SYNE2: variants seen among roughly 807,000 people sequenced by gnomAD.
The protein encoded by SYNE2 is nesprin-2.
SYNE2 carries 431 observed loss-of-function variants against 856.3 expected under a neutral mutation model. The ratio of observed to expected loss-of-function variants is 0.50; its 90% CI spans 0.47 to 0.55. The LOEUF (loss-of-function observed/expected upper bound fraction) is 0.55, where lower values mean the gene tolerates loss of function less well. Among genes scored for constraint, SYNE2 ranks in the 20% least tolerant of loss-of-function variants. SYNE2 has a pLI of 0.00. For missense variants in SYNE2, 8,129 were observed against 8,023.2 expected (o/e 1.01, Z -0.50); for synonymous variants, 2,923 against 2,872.3 (o/e 1.02, Z -0.56).
intron 1 of SYNE2, among the ~76,000 whole-genome samples, chr14:63,800,963 T>C (rs1013353326): frequency 6.6e-6 from 1 of 152,022 alleles, no homozygotes; most frequent in South Asian, 2.1e-4. Flanking sequence ...ACCTAAAAAG[T>C]TAAAAAATAA....
At chr14:63,844,170 C>T (rs1283481491) in intron 1 of SYNE2, among the ~76,000 whole-genome samples, 1 of 152,186 alleles carries the variant, frequency 6.6e-6, no homozygotes, top group Non-Finnish European at 1.5e-5. Flanking sequence ...ATCCTCTGTG[C>T]TCCATCTATT....
At chr14:63,831,071 C>T (rs1889650970) in intron 1 of SYNE2, among the ~76,000 whole-genome samples, 1 of 152,062 alleles carries the variant, frequency 6.6e-6, no homozygotes, top group Non-Finnish European at 1.5e-5. Flanking sequence ...GAACTCCTGA[C>T]CTCAGGTGAT....
At chr14:64,110,588 A>AC (rs11315645) in intron 65 of SYNE2, among the ~76,000 whole-genome samples, 1,746 of 75,162 alleles carry the variant, frequency 0.023, 61 homozygotes, top group East Asian at 0.099. Context: ...TACTTTTTAC[A>AC]CCCCCCCCCC....
intron 1 of SYNE2, among the ~76,000 whole-genome samples, chr14:63,845,872 T>C (rs1488861711): frequency 6.6e-6 from 1 of 150,760 alleles, no homozygotes; most frequent in Non-Finnish European, 1.5e-5. Context: ...TCCTGAGAAG[T>C]TGGAATTACA....
chr14:64,222,848 C>T (rs1012450962), intron 112 of SYNE2, among the ~76,000 whole-genome samples: 3 of 152,198 alleles, frequency 2.0e-5, no homozygotes, highest in South Asian at 2.1e-4. Flanking sequence ...TGCTGTTTCT[C>T]GGTTGATTGA....
chr14:64,222,324 G>A (rs766171723), intron 112 of SYNE2, among the ~76,000 whole-genome samples: 8 of 152,228 alleles, frequency 5.3e-5, no homozygotes, highest in Non-Finnish European at 1.2e-4. Context: ...TGATAGAGAT[G>A]ACCTGTGTCT....
rs1441778402 is a variant in SYNE2 at position 64,121,046 on chromosome 14, T to C, written c.13143T>C (p.Asp4381=). ...TERPQFSRQK[D]FQQQQVLELK... is the part of the protein sequence containing the mutation. ...GGCCACAATTCAGCAGACAAAAAGA[T>C]TTCCAGCAGCAACAGGTAATTCTAG... Residue 4381 remains aspartate, a synonymous_variant, in exon 68 of 116, where the codon GAT becomes GAC. Coordinates refer to ENST00000555002, the MANE Select transcript of SYNE2 (RefSeq NM_182914.3). 1 of 1,613,880 alleles carries C rather than the reference T, an allele frequency of 6.2e-7. No individual in the cohort carries two copies. Among genetic ancestry groups the C allele is most frequent in the Non-Finnish European group, 8.5e-7 (1 of 1,179,968 alleles).
intron 32 of SYNE2, among the ~76,000 whole-genome samples, chr14:64,012,497 A>G (rs1390770399): frequency 1.3e-5 from 2 of 152,214 alleles, no homozygotes; most frequent in Admixed American, 6.5e-5. Flanking sequence ...CCCTGAAGAC[A>G]TATTTGAAGT....
intron 1 of SYNE2, among the ~76,000 whole-genome samples, chr14:63,829,912 C>T (rs1259146324): frequency 6.6e-6 from 1 of 152,046 alleles, no homozygotes; most frequent in Non-Finnish European, 1.5e-5. Flanking sequence ...AGGCACTGTG[C>T]CCAGACAACA....
chr14:64,198,645 C>A (rs530754978), intron 99 of SYNE2, among the ~76,000 whole-genome samples: 2 of 152,180 alleles, frequency 1.3e-5, no homozygotes, highest in Admixed American at 6.5e-5. Context: ...CCTTCCCCCC[C>A]TCTTTAACTT....
intron 2 of SYNE2, among the ~76,000 whole-genome samples, chr14:63,915,765 C>T (rs1378019179): frequency 2.0e-5 from 3 of 151,996 alleles, no homozygotes; most frequent in African/African-American, 7.2e-5. Flanking sequence ...ATCCTTACTT[C>T]GTAGGGTTCA....
Position 63,982,492 on chromosome 14 carries a change from C to G in SYNE2, c.1837-138C>G, listed in dbSNP as rs2096593063. ...CCTTGATTGCGCCACTGCACTCCAG[C>G]CTGGGCAACAGAGCAAGACTCCATC... On this transcript the variant is annotated intron_variant, in intron 16 of 115. Transcript: ENST00000555002. 9.9e-6 allele frequency: 8 copies of G among 804,340 alleles called. No homozygotes were observed. The South Asian group carries it at 1.4e-4, about 14-fold the overall frequency. The allele number at this position is 804,340 out of a possible 1,614,324, so 49.8% of individuals were successfully genotyped here.
rs76344335 is a variant in SYNE2 at position 64,200,357 on chromosome 14, G to A, written c.18039-2444G>A. Among the ~76,000 whole-genome samples the A allele has an allele frequency of 8.1e-3, 1,238 of 152,240 alleles. 17 individuals carry two copies. Among genetic ancestry groups the A allele is most frequent in the African/African-American group, 0.029 (1,184 of 41,530 alleles). On this transcript the variant is annotated intron_variant, in intron 99 of 115. Coordinates refer to ENST00000555002, the MANE Select transcript of SYNE2 (RefSeq NM_182914.3). ...GAGCCTGAGCCCTTCCCCCACCCCCGGGAAGCTCTCGTGGCTGGGCCTCTT... is the reference window on the plus strand; with the variant it reads ...GAGCCTGAGCCCTTCCCCCACCCCCAGGAAGCTCTCGTGGCTGGGCCTCTT...
At chr14:63,959,171 T>C (rs1413820059) in intron 8 of SYNE2, among the ~76,000 whole-genome samples, 1 of 152,120 alleles carries the variant, frequency 6.6e-6, no homozygotes, top group Non-Finnish European at 1.5e-5. Flanking sequence ...ATTTAGCCTC[T>C]TTGGACTTCA....
At chr14:63,825,955 A>G (rs1889412850) in intron 1 of SYNE2, among the ~76,000 whole-genome samples, 1 of 152,246 alleles carries the variant, frequency 6.6e-6, no homozygotes, top group African/African-American at 2.4e-5. Context: ...AACATTGTTT[A>G]GATAGCAGTA....
At chr14:64,208,380 A>T (rs917692063) in intron 100 of SYNE2, among the ~76,000 whole-genome samples, 4 of 152,210 alleles carry the variant, frequency 2.6e-5, no homozygotes, top group African/African-American at 9.6e-5. Flanking sequence ...ACCAAGTCTA[A>T]ACTGGAGCCC....
At chr14:63,937,745 AACCTGTTT>A (rs2095851258) in intron 2 of SYNE2, among the ~76,000 whole-genome samples, 1 of 152,252 alleles carries the variant, frequency 6.6e-6, no homozygotes. Context: ...CACATTCAGC[AACCTGTTT>A]GTAGGATGAA....
In SYNE2 at chr14:64,216,352, C is replaced by T. The variant is rs753827351; in HGVS notation, c.19507C>T (p.Pro6503Ser). The change falls in exon 108 of 116, where the codon CCC becomes TCC. Residue 6503 changes from proline to serine, a missense_variant. This residue lies in a region of SYNE2 where 5,410 missense variants were observed against 5,284.8 expected (regional missense o/e 1.02). Coordinates refer to ENST00000555002, the MANE Select transcript of SYNE2 (RefSeq NM_182914.3). ...AGGTGACAGGAATGTTCCACCTGTT[C>T]CCCCTGCGTCCAGCACCCCTTATAA... ...MEGDRNVPPV[P>S]PASSTPYKPP... 1 of 1,614,204 alleles carries T rather than the reference C, an allele frequency of 6.2e-7. No individual in the cohort carries two copies. The highest frequency in any genetic ancestry group is 2.2e-5 in the East Asian group (1 of 44,886).
chr14:64,056,475 T>C (rs561402990), intron 49 of SYNE2, among the ~76,000 whole-genome samples: 1 of 145,930 alleles, frequency 6.9e-6, no homozygotes, highest in African/African-American at 2.6e-5. Context: ...TATTTCTTCT[T>C]TTTTTTTTTT....
Sources: allele counts gnomAD v4.1 joint callset (sites outside exome capture counted in the v4.1 genomes callset), GRCh38; gene constraint gnomAD v4.1.1; regional missense constraint gnomAD v4.1.1; transcripts MANE v1.5; gene names NCBI Gene and HGNC (gene_info 2026-07-23, HGNC 2026-07-21).